COL6A3: variants seen among roughly 807,000 people sequenced by gnomAD.
COL6A3 encodes the protein collagen type VI alpha 3 chain.
A neutral mutation model predicts 274.1 loss-of-function variants in COL6A3; 137 were observed. The ratio of observed to expected loss-of-function variants is 0.50; its 90% confidence interval spans 0.44 to 0.58. The LOEUF is 0.58. Among genes scored for constraint, COL6A3 ranks in the 20% least tolerant of loss-of-function variants. COL6A3 has a pLI of 0.00. For synonymous variants in COL6A3, 1,650 were observed against 1,650.6 expected (o/e 1.00, Z 0.01); for missense variants, 3,950 against 4,124.9 (o/e 0.96, Z 1.16).
intron 21 of COL6A3, among the ~76,000 whole-genome samples, chr2:237,358,240 A>G (rs1485768963): frequency 6.6e-6 from 1 of 152,230 alleles, no homozygotes; most frequent in African/African-American, 2.4e-5. Context: ...GAAAAGCTGC[A>G]AACTCTTCTC....
In COL6A3 at chr2:237,394,730, G is replaced by C; in HGVS notation, c.566C>G (p.Ala189Gly). 6.2e-7 allele frequency: 1 copy of C among 1,614,218 alleles called. No individual in the cohort carries two copies. Among genetic ancestry groups the C allele is most frequent in the African/African-American group, 1.3e-5 (1 of 75,058 alleles). Residue 189 changes from alanine (A) to glycine (G), a missense_variant, in exon 3 of 44, where the codon GCA becomes GGA. Around this residue, in one of 5 missense-constraint regions of COL6A3, gnomAD observed 1,934 missense variants for 1,984.3 expected, o/e 0.97. Coordinates refer to ENST00000295550, the MANE Select transcript of COL6A3 (RefSeq NM_004369.4). The stretch of plus-strand genomic sequence containing the variant: ...CATATGCATATTGAGCGGTTCACTT[G>C]CTATTTCTTTTAACGCTCCTTCATC... ...DADEGALKEIASEPLNMHMFN... is the reference protein window; with the variant it reads ...DADEGALKEIGSEPLNMHMFN...
chr2:237,327,929 C>G (rs774005990), intron 42 of COL6A3: 1 of 152,154 alleles, frequency 6.6e-6, no homozygotes, highest in Non-Finnish European at 1.5e-5. Context: ...TAGAACGACA[C>G]GTCTTTGGAT....
chr2:237,382,229 A>G (rs578190001), intron 4 of COL6A3, among the ~76,000 whole-genome samples: 1 of 152,180 alleles, frequency 6.6e-6, no homozygotes, highest in Middle Eastern at 3.4e-3. Context: ...CTAAAAATAC[A>G]AAAATTAGCC....
intron 5 of COL6A3, among the ~76,000 whole-genome samples, chr2:237,379,512 G>T (rs2077947526): frequency 6.6e-6 from 1 of 152,142 alleles, no homozygotes; most frequent in African/African-American, 2.4e-5. Flanking sequence ...CAACAAAAGT[G>T]ATCAGAATCC....
intron 12 of COL6A3, 46 bp downstream of exon 12, chr2:237,365,652 T>G: frequency 6.4e-7 from 1 of 1,570,226 alleles, no homozygotes; most frequent in Non-Finnish European, 8.8e-7. Flanking sequence ...CCAGTAAAAA[T>G]TTGGAAATTT....
At chr2:237,360,585 C>T (rs923936447) in intron 16 of COL6A3, among the ~76,000 whole-genome samples, 2 of 152,134 alleles carry the variant, frequency 1.3e-5, no homozygotes, top group Non-Finnish European at 2.9e-5. Context: ...TGTCCCCTAT[C>T]CCAGGGCTGG....
intron 26 of COL6A3, 109 bp downstream of exon 26, chr2:237,352,413 C>T (rs1470397133): frequency 1.8e-6 from 2 of 1,102,566 alleles, no homozygotes; most frequent in Non-Finnish European, 1.4e-6. Flanking sequence ...AAGAGGAGAG[C>T]TAAAGGGAGG....
chr2:237,376,963 G>T lies in COL6A3; in HGVS notation c.2879C>A (p.Ala960Glu), dbSNP rs543253703. ...AACCCCACTCTGCTTCAGGTTACTT[G>T]CTGGCCCATCCACACGGTCAGATGA... ...GRSSDRVDGP[A>E]SNLKQSGVVP... The change falls in exon 7 of 44, where the codon GCA (alanine) becomes GAA (glutamate). Residue 960 changes from alanine to glutamate, a missense_variant. Physicochemically the swap from Ala to Glu is moderately radical, Grantham distance 107. This residue lies in a region of COL6A3 where 1,934 missense variants were observed against 1,984.3 expected (regional missense o/e 0.97). Transcript: ENST00000295550. The T allele has an allele frequency of 6.2e-7, 1 of 1,614,224 alleles. No individual in the cohort carries two copies. The highest frequency in any genetic ancestry group is 2.2e-5 in the East Asian group (1 of 44,892).
At chr2:237,366,136 A>G (rs966212741) in intron 11 of COL6A3, 101 bp from the exon 12 acceptor site, 1 of 1,017,282 alleles carries the variant, frequency 9.8e-7, no homozygotes, top group African/African-American at 1.6e-5. Flanking sequence ...GGACCAGGGC[A>G]TCGCACTCAA....
intron 3 of COL6A3, 62 bp downstream of exon 3, chr2:237,394,525 G>A (rs1559278758): frequency 5.0e-6 from 8 of 1,610,104 alleles, no homozygotes; most frequent in African/African-American, 1.3e-5. Flanking sequence ...AAGGCCAGCA[G>A]TTGCCAAGCT....
chr2:237,336,844 A>G (rs1700577109), intron 39 of COL6A3, among the ~76,000 whole-genome samples: 1 of 152,228 alleles, frequency 6.6e-6, no homozygotes, highest in South Asian at 2.1e-4. Context: ...ATATCCAACA[A>G]TGTTCTCATT....
At chr2:237,339,832 G>A (rs2076945497) in intron 38 of COL6A3, among the ~76,000 whole-genome samples, 1 of 152,162 alleles carries the variant, frequency 6.6e-6, no homozygotes, top group Admixed American at 6.5e-5. Flanking sequence ...CAACAGGCCA[G>A]GTAATAGATG....
rs751456189 is a variant in COL6A3, at chr2:237,374,777, G to A, written c.3314C>T (p.Thr1105Ile). Residue 1105 changes from threonine (T) to isoleucine (I), a missense_variant, in exon 8 of 44, where the codon ACC becomes ATC. Thr to Ile is a moderately conservative substitution (Grantham distance 89). Coordinates refer to ENST00000295550, the MANE Select transcript of COL6A3 (RefSeq NM_004369.4). This position sits in a 1 kb window ranked among gnomAD's most constrained non-coding sequence, Gnocchi z 4.8. ...VRQLTLLGGP[T>I]PNTGAALEFV... Reference sequence around the variant, plus strand: ...CTCCAGGGCGGCCCCGGTGTTGGGGGTCGGCCCTCCCAGCAGGGTCAGCTG... The same window carrying A: ...CTCCAGGGCGGCCCCGGTGTTGGGGATCGGCCCTCCCAGCAGGGTCAGCTG... The A allele has an allele frequency of 1.2e-6, 2 of 1,614,066 alleles. No homozygotes were observed. Among genetic ancestry groups the A allele is most frequent in the South Asian group, 2.2e-5 (2 of 91,084 alleles).
In COL6A3 at chr2:237,351,182, C is replaced by T. The variant is rs770058379; in HGVS notation, c.6764G>A (p.Gly2255Asp). The change falls in exon 27 of 44, where the codon GGT (glycine) becomes GAT (aspartate). Residue 2255 changes from glycine (G) to aspartate (D), a missense_variant. Gly to Asp is a moderately conservative substitution (Grantham distance 94, BLOSUM62 -1). Transcript: ENST00000295550. ...QGISGPRGSGGAAGAPGERGR... is the reference protein window; with the variant it reads ...QGISGPRGSGDAAGAPGERGR... ...TCGTTCTCCAGGAGCACCAGCGGCACCTCCGCTTCCCTGGAGCAGGAGGGG... is the reference window on the plus strand; with the variant it reads ...TCGTTCTCCAGGAGCACCAGCGGCATCTCCGCTTCCCTGGAGCAGGAGGGG... 12 of 1,614,196 alleles carry T rather than the reference C, an allele frequency of 7.4e-6. No homozygotes were observed. The East Asian group carries it at 2.7e-4, about 36-fold the overall frequency.
In COL6A3 at chr2:237,361,224, T is replaced by G; in HGVS notation, c.6157-50A>C. 1 of 1,566,290 alleles carries G rather than the reference T, an allele frequency of 6.4e-7. No homozygotes were observed. The highest frequency in any genetic ancestry group is 8.8e-7 in the Non-Finnish European group (1 of 1,136,582). ...TGTTTAATCCCGTGGTCTTCTTTGCTCTACAGTAAGAATCCCTGTGGTCCC... is the reference window on the plus strand; with the variant it reads ...TGTTTAATCCCGTGGTCTTCTTTGCGCTACAGTAAGAATCCCTGTGGTCCC... On this transcript the variant is annotated intron_variant, in intron 15 of 43. Transcript: ENST00000295550. This position sits in a 1 kb window ranked among gnomAD's most constrained non-coding sequence, Gnocchi z 5.1.
chr2:237,400,258 G>A (rs2078556330), intron 1 of COL6A3, among the ~76,000 whole-genome samples: 1 of 152,194 alleles, frequency 6.6e-6, no homozygotes, highest in South Asian at 2.1e-4. Context: ...TGGGTATCAA[G>A]TATATGTCAG....
chr2:237,335,160 C>A (rs990457662), intron 40 of COL6A3, among the ~76,000 whole-genome samples: 1 of 152,054 alleles, frequency 6.6e-6, no homozygotes, highest in African/African-American at 2.4e-5. Flanking sequence ...TAAGAAGATA[C>A]TTTGGAAATG....
chr2:237,328,435 T>A (rs1026272929), intron 42 of COL6A3: 1 of 152,210 alleles, frequency 6.6e-6, no homozygotes, highest in Non-Finnish European at 1.5e-5. Flanking sequence ...GTAATAATGA[T>A]GTGCAGGAGT....
chr2:237,413,420 T>A lies in COL6A3; in HGVS notation c.-31+533A>T, dbSNP rs764497748. On this transcript the variant is annotated intron_variant, in intron 1 of 43. Transcript: ENST00000295550. This position sits in a 1 kb window ranked among gnomAD's most constrained non-coding sequence, Gnocchi z 4.0. ...ATCCTGAGCACCAGAGTTACTCCAA[T>A]CTTGTGAAAGCAGCAAATGTGCTCC... is the stretch of plus-strand genomic sequence containing the variant. Among the ~76,000 whole-genome samples, 1 of 152,128 alleles carries A rather than the reference T, an allele frequency of 6.6e-6. No individual in the cohort carries two copies. The highest frequency in any genetic ancestry group is 2.1e-4 in the South Asian group (1 of 4,828).
Sources: allele counts gnomAD v4.1 joint callset (sites outside exome capture counted in the v4.1 genomes callset), GRCh38; gene constraint gnomAD v4.1.1; regional missense constraint gnomAD v4.1.1; non-coding constraint Gnocchi (gnomAD v3.1); transcripts MANE v1.5; gene names NCBI Gene and HGNC (gene_info 2026-07-23, HGNC 2026-07-21).